The following TOX variants were observed in gnomAD, a reference collection of about 807,000 sequenced individuals.
TOX encodes the protein thymocyte selection associated high mobility group box.
A neutral mutation model predicts 53.7 loss-of-function variants in TOX; 11 were observed. The ratio of observed to expected loss-of-function variants is 0.20; its 90% CI spans 0.13 to 0.34. The LOEUF is 0.34. TOX is among the 10% of genes least tolerant of loss of function. The probability of loss-of-function intolerance (pLI) is 1.00; values close to 1 mark genes in which losing one functional copy is unlikely to be tolerated. For synonymous variants in TOX, 225 were observed against 245.3 expected, an observed-to-expected ratio of 0.92 and a Z score of 0.77; for missense variants, 570 against 664.6, an observed-to-expected ratio of 0.86 and a Z score of 1.56.
intron 1 of TOX, among the ~76,000 whole-genome samples, chr8:59,034,641 G>A (rs191918250): frequency 3.3e-5 from 5 of 152,280 alleles, no homozygotes; most frequent in African/African-American, 7.2e-5. Flanking sequence ...CCTCACTCAA[G>A]AAAACCCAAG....
chr8:58,858,611 G>C (rs948389610), intron 3 of TOX, among the ~76,000 whole-genome samples: 1 of 151,302 alleles, frequency 6.6e-6, no homozygotes, highest in Non-Finnish European at 1.5e-5. Context: ...GCAGGAGCAG[G>C]AGAACGTGAG....
At chr8:59,027,451 T>G (rs887952703) in intron 1 of TOX, among the ~76,000 whole-genome samples, 45 of 106,466 alleles carry the variant, frequency 4.2e-4, no homozygotes, top group Non-Finnish European at 8.1e-4. Context: ...AGGAACAAGG[T>G]TTTTTTTTTT....
At chr8:59,045,310 T>C (rs1041204189) in intron 1 of TOX, among the ~76,000 whole-genome samples, 1 of 152,232 alleles carries the variant, frequency 6.6e-6, no homozygotes, top group African/African-American at 2.4e-5. Flanking sequence ...GTTTCACCTT[T>C]GATAGCACAC....
At chr8:58,921,697 A>T (rs1812079171) in intron 3 of TOX, among the ~76,000 whole-genome samples, 1 of 152,234 alleles carries the variant, frequency 6.6e-6, no homozygotes, top group African/African-American at 2.4e-5. Context: ...ACTTATGCAA[A>T]CTATTTGCCA....
At chr8:58,898,190 G>A (rs1272616282) in intron 3 of TOX, among the ~76,000 whole-genome samples, 3 of 152,136 alleles carry the variant, frequency 2.0e-5, no homozygotes, top group Non-Finnish European at 4.4e-5. Context: ...GGATTATTAT[G>A]AGTATAACAG....
intron 1 of TOX, among the ~76,000 whole-genome samples, chr8:59,000,313 C>G (rs531070659): frequency 6.6e-6 from 1 of 152,050 alleles, no homozygotes; most frequent in Non-Finnish European, 1.5e-5. Flanking sequence ...AAAATTGTGG[C>G]TATGGTTATA....
intron 3 of TOX, among the ~76,000 whole-genome samples, chr8:58,911,450 C>T (rs1811906392): frequency 6.6e-6 from 1 of 152,112 alleles, no homozygotes; most frequent in Non-Finnish European, 1.5e-5. Context: ...TATGCATATA[C>T]TGTATATCTA....
chr8:58,860,074 A>G (rs1348316287), intron 3 of TOX, among the ~76,000 whole-genome samples: 1 of 152,162 alleles, frequency 6.6e-6, no homozygotes, highest in East Asian at 1.9e-4. Context: ...ATATCTATAA[A>G]CAACTGAAAA....
At chr8:58,845,168 C>T (rs921250924) in intron 4 of TOX, among the ~76,000 whole-genome samples, 6 of 152,064 alleles carry the variant, frequency 3.9e-5, no homozygotes, top group East Asian at 1.9e-4. Context: ...TAAACTGCCG[C>T]GGTCCCAAAG....
chr8:58,923,450 G>C (rs977482501), intron 3 of TOX, among the ~76,000 whole-genome samples: 2 of 152,160 alleles, frequency 1.3e-5, no homozygotes, highest in African/African-American at 2.4e-5. Context: ...ATCTGGGAGG[G>C]ACAATGGTTC....
chr8:58,931,658 T>A lies in TOX; in HGVS notation c.411+7644A>T, dbSNP rs141484234. On this transcript the variant is annotated intron_variant, in intron 3 of 8. Transcript: ENST00000361421. ...CAGGCTACCAAGGAAAGTTATGGAA[T>A]CTTGGCTCTTAGAAAACCACATATC... is the stretch of plus-strand genomic sequence containing the variant. Among the ~76,000 whole-genome samples the A allele has an allele frequency of 4.1e-3, 622 of 152,332 alleles. 1 individual carries two copies. Among genetic ancestry groups the A allele is most frequent in the African/African-American group, 0.014 (583 of 41,566 alleles).
intron 3 of TOX, among the ~76,000 whole-genome samples, chr8:58,871,750 A>C (rs908694055): frequency 2.6e-5 from 4 of 152,172 alleles, no homozygotes; most frequent in African/African-American, 9.7e-5. Context: ...GGTTACAGCA[A>C]GAGAAGGAGG....
intron 1 of TOX, among the ~76,000 whole-genome samples, chr8:59,027,015 G>A (rs1001980889): frequency 3.9e-5 from 6 of 152,006 alleles, no homozygotes; most frequent in South Asian, 2.1e-4. Context: ...GAAGGCTTTC[G>A]TGATTACCAA....
At chr8:59,051,428 A>G (rs893858137) in intron 1 of TOX, among the ~76,000 whole-genome samples, 5 of 152,168 alleles carry the variant, frequency 3.3e-5, no homozygotes, top group African/African-American at 1.2e-4. Flanking sequence ...ATAACTTTAA[A>G]AACAAACAAA....
At chr8:59,059,582 A>G (rs1202287664) in intron 1 of TOX, among the ~76,000 whole-genome samples, 2 of 152,218 alleles carry the variant, frequency 1.3e-5, no homozygotes, top group Non-Finnish European at 2.9e-5. Flanking sequence ...GATAACATGA[A>G]TTTATATTAT....
At chr8:58,860,498 A>C (rs1323303331) in intron 3 of TOX, among the ~76,000 whole-genome samples, 1 of 152,214 alleles carries the variant, frequency 6.6e-6, no homozygotes, top group Non-Finnish European at 1.5e-5. Context: ...ATTAACTAAG[A>C]TAAGGACTAC....
At chr8:59,045,775 A>G (rs1195431167) in intron 1 of TOX, among the ~76,000 whole-genome samples, 1 of 152,214 alleles carries the variant, frequency 6.6e-6, no homozygotes, top group Non-Finnish European at 1.5e-5. Context: ...AGGATTAAGT[A>G]ATAATTTAGT....
chr8:58,817,597 T>C (rs1413980713), intron 6 of TOX, among the ~76,000 whole-genome samples: 1 of 152,184 alleles, frequency 6.6e-6, no homozygotes, highest in African/African-American at 2.4e-5. Flanking sequence ...AAAGATTATG[T>C]GTTAAGTCTG....
In TOX at chr8:58,899,792, T is replaced by C. The variant is rs377628117; in HGVS notation, c.411+39510A>G. Among the ~76,000 whole-genome samples the C allele has an allele frequency of 3.0e-4, 45 of 152,298 alleles. No homozygotes were observed. The South Asian group carries it at 8.7e-3, about 29-fold the overall frequency. On this transcript the variant is annotated intron_variant, in intron 3 of 8. Coordinates refer to ENST00000361421, the MANE Select transcript of TOX (RefSeq NM_014729.3). ...GGATATTCAACATGAACCACTATTC[T>C]AACTGTAGTTAAAGGAATAATATGA... is the stretch of plus-strand genomic sequence containing the variant.
Sources: allele counts gnomAD v4.1 joint callset (sites outside exome capture counted in the v4.1 genomes callset), GRCh38; gene constraint gnomAD v4.1.1; transcripts MANE v1.5; gene names NCBI Gene and HGNC (gene_info 2026-07-23, HGNC 2026-07-21).